Variants in FNIP2 observed in about 807,000 individuals in gnomAD.
The protein encoded by FNIP2 is folliculin-interacting protein 2.
In FNIP2, 32 loss-of-function variants were observed where a neutral mutation model predicts 108.7. That is an observed-to-expected ratio of 0.29 (90% CI 0.22 to 0.40). The LOEUF is 0.40. Ranked by LOEUF, FNIP2 falls within the 10% of genes least tolerant of loss-of-function variation. The pLI, the probability that FNIP2 is intolerant of heterozygous loss-of-function variation, is 1.00. For missense variants in FNIP2, 1,202 were observed against 1,381.6 expected (o/e 0.87, Z 2.06); for synonymous variants, 480 against 496.7 (o/e 0.97, Z 0.45).
chr4:158,850,831 A>G (rs755622005), intron 7 of FNIP2, among the ~76,000 whole-genome samples: 1 of 151,866 alleles, frequency 6.6e-6, no homozygotes, highest in Non-Finnish European at 1.5e-5. Flanking sequence ...TGTGTGGACC[A>G]TTTTAGTAGA....
intron 1 of FNIP2, among the ~76,000 whole-genome samples, chr4:158,795,292 G>A (rs1456453938): frequency 6.6e-6 from 1 of 152,188 alleles, no homozygotes; most frequent in African/African-American, 2.4e-5. Flanking sequence ...CAGAAAAGAG[G>A]TTCATTTAAA....
rs751093209 is a variant in FNIP2, at chr4:158,869,082, G to C, written c.2446G>C (p.Ala816Pro). Residue 816 changes from alanine to proline, a missense_variant, in exon 13 of 17, where the codon GCT (alanine) becomes CCT (proline). Ala to Pro is a conservative substitution (Grantham distance 27, BLOSUM62 -1). Around this residue, in one of 5 missense-constraint regions of FNIP2, gnomAD observed 878 missense variants for 990.3 expected, o/e 0.89. Coordinates refer to ENST00000264433, the MANE Select transcript of FNIP2 (RefSeq NM_020840.3). ...AGATATTGCTGGGCAGCTCAGCCAC[G>C]CTGCTGACTTGGGCACAGCCTCCCA... Reference protein sequence around the residue: ...AADIAGQLSHAADLGTASHGA... With the variant: ...AADIAGQLSHPADLGTASHGA... 1.2e-6 allele frequency: 2 copies of C among 1,613,904 alleles called. No homozygotes were observed. The highest frequency in any genetic ancestry group is 1.7e-6 in the Non-Finnish European group (2 of 1,179,900).
At chr4:158,844,698 G>A (rs748401398) in intron 7 of FNIP2, among the ~76,000 whole-genome samples, 9 of 152,180 alleles carry the variant, frequency 5.9e-5, no homozygotes, top group Non-Finnish European at 1.0e-4. Flanking sequence ...GTAAATATTC[G>A]TTGAGTGAAT....
intron 16 of FNIP2, among the ~76,000 whole-genome samples, chr4:158,903,853 A>G (rs1443435909): frequency 6.6e-6 from 1 of 152,134 alleles, no homozygotes; most frequent in Non-Finnish European, 1.5e-5. Flanking sequence ...CAGTGCCCAT[A>G]CTGTATCCAC....
chr4:158,880,291 T>C (rs959099013), intron 14 of FNIP2, among the ~76,000 whole-genome samples: 1 of 152,136 alleles, frequency 6.6e-6, no homozygotes, highest in Non-Finnish European at 1.5e-5. Flanking sequence ...ATGTCCTTTG[T>C]AGGGACATGG....
chr4:158,831,568 G>C (rs1778483476), intron 3 of FNIP2, among the ~76,000 whole-genome samples: 1 of 152,090 alleles, frequency 6.6e-6, no homozygotes, highest in African/African-American at 2.4e-5. Context: ...TTTATAAATG[G>C]AGATAATAGT....
At chr4:158,878,168 G>T (rs1781388881) in intron 14 of FNIP2, among the ~76,000 whole-genome samples, 1 of 152,168 alleles carries the variant, frequency 6.6e-6, no homozygotes, top group Admixed American at 6.5e-5. Context: ...AACCAAAGCA[G>T]TAAGCATGAG....
intron 14 of FNIP2, among the ~76,000 whole-genome samples, chr4:158,874,557 G>A (rs1196159943): frequency 2.0e-5 from 3 of 150,492 alleles, no homozygotes; most frequent in Admixed American, 2.0e-4. Flanking sequence ...AGGAGACTGA[G>A]GCAGAAGGCT....
At chr4:158,886,365 T>C (rs1453835855) in intron 14 of FNIP2, among the ~76,000 whole-genome samples, 1 of 152,222 alleles carries the variant, frequency 6.6e-6, no homozygotes, top group Non-Finnish European at 1.5e-5. Context: ...CTTACTCACC[T>C]CCCATGTTCT....
chr4:158,818,144 A>G (rs1043980642), intron 1 of FNIP2, among the ~76,000 whole-genome samples: 3 of 152,232 alleles, frequency 2.0e-5, no homozygotes, highest in Admixed American at 2.0e-4. Flanking sequence ...CATAGCACCC[A>G]AACCTTAGGC....
intron 16 of FNIP2, among the ~76,000 whole-genome samples, chr4:158,901,128 A>ATTTTTTTTTTTTTTTTTTTTTTTT: frequency 8.9e-6 from 1 of 112,302 alleles, no homozygotes; most frequent in Non-Finnish European, 1.7e-5. Context: ...CTGGGTTGAA[A>ATTTTTTTTTTTTTTTTTTTTTTTT]TTTTTTTTTT....
In FNIP2 at chr4:158,833,644, C is replaced by A. The variant is rs768174981; in HGVS notation, c.655+16C>A. On this transcript the variant is annotated intron_variant, in intron 6 of 16. Transcript: ENST00000264433. ...AGTAACCTAGGTAAAATCAGAGATACAAACAAATTCTTTCTTTCTGAATAC... is the reference window on the plus strand; with the variant it reads ...AGTAACCTAGGTAAAATCAGAGATAAAAACAAATTCTTTCTTTCTGAATAC... The A allele has an allele frequency of 3.2e-6, 5 of 1,585,762 alleles. No homozygotes were observed. Among genetic ancestry groups the A allele is most frequent in the Admixed American group, 3.3e-5 (2 of 59,940 alleles).
chr4:158,774,607 C>T (rs1031137626), intron 1 of FNIP2, among the ~76,000 whole-genome samples: 1 of 152,072 alleles, frequency 6.6e-6, no homozygotes. Context: ...TCATTATAAA[C>T]CTCAGAGGCT....
At chr4:158,863,836 TG>T (rs547975957) in intron 12 of FNIP2, among the ~76,000 whole-genome samples, 132 of 152,340 alleles carry the variant, frequency 8.7e-4, no homozygotes, top group African/African-American at 3.0e-3. Context: ...TTTGACCTAA[TG>T]ATCTTAAGGG....
At chr4:158,824,241 G>A (rs1341926571) in intron 1 of FNIP2, among the ~76,000 whole-genome samples, 2 of 152,220 alleles carry the variant, frequency 1.3e-5, no homozygotes, top group Admixed American at 6.5e-5. Context: ...CGCTTTGTAG[G>A]ACAGCTTTGT....
Position 158,869,218 on chromosome 4 carries a change from G to A in FNIP2, c.2582G>A (p.Gly861Asp). 1.2e-6 allele frequency: 2 copies of A among 1,614,064 alleles called. No individual in the cohort carries two copies. Among genetic ancestry groups the A allele is most frequent in the Non-Finnish European group, 1.7e-6 (2 of 1,179,902 alleles). ...EPVAPRCVQR[G>D]PGLVAGANIP... is the part of the protein sequence containing the mutation. ...GTTGCCCCCAGGTGTGTCCAGCGGG[G>A]CCCTGGCCTCGTGGCTGGTGCGAAT... Residue 861 changes from glycine (G) to aspartate (D), a missense_variant, in exon 13 of 17, where the codon GGC (glycine) becomes GAC (aspartate). This residue lies in a region of FNIP2 where 878 missense variants were observed against 990.3 expected (regional missense o/e 0.89). Coordinates refer to ENST00000264433, the MANE Select transcript of FNIP2 (RefSeq NM_020840.3).
chr4:158,900,520 C>G (rs903107229), intron 16 of FNIP2, among the ~76,000 whole-genome samples: 1 of 152,210 alleles, frequency 6.6e-6, no homozygotes, highest in African/African-American at 2.4e-5. Flanking sequence ...CTGGGTCCTT[C>G]TGTATTGGTT....
intron 10 of FNIP2, 129 bp from the exon 11 acceptor site, chr4:158,861,213 A>G (rs757293484): frequency 6.4e-6 from 7 of 1,102,226 alleles, no homozygotes; most frequent in Non-Finnish European, 8.8e-6. Flanking sequence ...AACCCCTGTT[A>G]TGTGTGGAGC....
chr4:158,866,221 CT>C (rs34074378), intron 12 of FNIP2, among the ~76,000 whole-genome samples: 7 of 59,778 alleles, frequency 1.2e-4, no homozygotes, highest in East Asian at 1.3e-3. Flanking sequence ...TCTGGTTATT[CT>C]TTTTTTTTTT....
Sources: allele counts gnomAD v4.1 joint callset (sites outside exome capture counted in the v4.1 genomes callset), GRCh38; gene constraint gnomAD v4.1.1; regional missense constraint gnomAD v4.1.1; transcripts MANE v1.5; gene names NCBI Gene and HGNC (gene_info 2026-07-23, HGNC 2026-07-21).